Variants in CNTNAP5 observed in about 807,000 individuals in gnomAD.
The protein encoded by CNTNAP5 is contactin-associated protein-like 5.
In CNTNAP5, 72 loss-of-function variants were observed where a neutral mutation model predicts 150.2. The ratio of observed to expected loss-of-function variants is 0.48; its 90% CI spans 0.40 to 0.58. The LOEUF (loss-of-function observed/expected upper bound fraction) is 0.58, where lower values mean the gene tolerates loss of function less well. CNTNAP5 is among the 20% of genes least tolerant of loss of function. The pLI, the probability that CNTNAP5 is intolerant of heterozygous loss-of-function variation, is 0.00. For synonymous variants in CNTNAP5, 672 were observed against 619.8 expected (o/e 1.08, Z -1.25); for missense variants, 1,636 against 1,626.2 (o/e 1.01, Z -0.10).
intron 1 of CNTNAP5, among the ~76,000 whole-genome samples, chr2:124,043,333 G>C (rs1294325712): frequency 6.6e-6 from 1 of 152,152 alleles, no homozygotes; most frequent in Non-Finnish European, 1.5e-5. Flanking sequence ...AAAAATTATA[G>C]TTGGTAGGAC....
chr2:124,279,224 A>AGTGTGT (rs10564494), intron 3 of CNTNAP5, among the ~76,000 whole-genome samples: 1 of 150,056 alleles, frequency 6.7e-6, no homozygotes, highest in African/African-American at 2.4e-5. Context: ...AACTGTAGGA[A>AGTGTGT]GTGTGTGTGT....
intron 3 of CNTNAP5, among the ~76,000 whole-genome samples, chr2:124,380,996 G>T (rs775757917): frequency 6.6e-6 from 1 of 152,160 alleles, no homozygotes; most frequent in East Asian, 1.9e-4. Flanking sequence ...TGGAATCTCT[G>T]AGAAGGTGGC....
chr2:124,246,874 T>C lies in CNTNAP5; in HGVS notation c.381+4481T>C, dbSNP rs528352664. ...TATTAATATTAAACTTGCAGTTTTC[T>C]CTTATTAAAATTATGTTGCCTCTCC... On this transcript the variant is annotated intron_variant, in intron 3 of 23. Coordinates refer to ENST00000682447, the MANE Select transcript of CNTNAP5 (RefSeq NM_001367498.1). Among the ~76,000 whole-genome samples, 4 of 152,280 alleles carry C rather than the reference T, an allele frequency of 2.6e-5. No individual in the cohort carries two copies. The East Asian group carries it at 7.7e-4, about 29-fold the overall frequency.
intron 2 of CNTNAP5, 32 bp downstream of exon 2, chr2:124,221,841 G>A (rs1273719527): frequency 3.6e-6 from 5 of 1,406,054 alleles, no homozygotes; most frequent in Middle Eastern, 1.8e-4. Context: ...CTAATGCCAA[G>A]CACTAAATAA....
intron 21 of CNTNAP5, among the ~76,000 whole-genome samples, chr2:124,887,900 G>A (rs962938796): frequency 1.3e-5 from 2 of 152,160 alleles, no homozygotes; most frequent in Non-Finnish European, 2.9e-5. Flanking sequence ...TATCTAAAAT[G>A]CAATGAGAAG....
chr2:124,890,152 G>A (rs1360941248), intron 21 of CNTNAP5, among the ~76,000 whole-genome samples: 2 of 151,902 alleles, frequency 1.3e-5, no homozygotes, highest in African/African-American at 4.8e-5. Context: ...ACATGCTATT[G>A]GTGCTCTATC....
intron 6 of CNTNAP5, among the ~76,000 whole-genome samples, chr2:124,469,691 C>T (rs1364667741): frequency 2.6e-5 from 4 of 152,112 alleles, no homozygotes; most frequent in South Asian, 4.2e-4. Context: ...GTATTAAGCC[C>T]AGCATCCATT....
intron 3 of CNTNAP5, among the ~76,000 whole-genome samples, chr2:124,313,997 T>C (rs1366316160): frequency 6.6e-6 from 1 of 152,218 alleles, no homozygotes; most frequent in Admixed American, 6.5e-5. Flanking sequence ...TATACTGCAT[T>C]ATATTCCTTG....
chr2:124,782,933 G>T (rs1681484782), intron 17 of CNTNAP5, among the ~76,000 whole-genome samples: 1 of 152,172 alleles, frequency 6.6e-6, no homozygotes, highest in African/African-American at 2.4e-5. Context: ...GATGATTTAT[G>T]AAATGTTTCT....
At position 124,390,449 on chromosome 2, in the gene CNTNAP5, G is replaced by A. The variant is rs189034533; in HGVS notation, c.382-26994G>A. On this transcript the variant is annotated intron_variant, in intron 3 of 23. Coordinates refer to ENST00000682447, the MANE Select transcript of CNTNAP5 (RefSeq NM_001367498.1). ...CTGTCCCTGCTTCTTTCAGTGGGAC[G>A]TCACTGGCTAGCCCCAATCTGATAA... Among the ~76,000 whole-genome samples the A allele has an allele frequency of 2.6e-5, 4 of 152,232 alleles. No individual in the cohort carries two copies. In the East Asian group the frequency reaches 5.8e-4, roughly 22 times the overall value.
chr2:124,541,965 T>C (rs144732956), intron 10 of CNTNAP5, among the ~76,000 whole-genome samples: 39 of 152,264 alleles, frequency 2.6e-4, no homozygotes, highest in Non-Finnish European at 4.4e-4. Context: ...TTATCCTAAA[T>C]GTAGATATAC....
intron 3 of CNTNAP5, among the ~76,000 whole-genome samples, chr2:124,370,685 T>A (rs1164217515): frequency 6.6e-6 from 1 of 152,154 alleles, no homozygotes; most frequent in East Asian, 1.9e-4. Flanking sequence ...ATTTACCAGA[T>A]CCACTGTTTA....
intron 12 of CNTNAP5, 151 bp from the exon 13 acceptor site, chr2:124,647,607 A>C (rs953480659): frequency 6.3e-6 from 4 of 633,806 alleles, no homozygotes; most frequent in Non-Finnish European, 1.0e-5. Flanking sequence ...GTGGAGCTCC[A>C]TGGGGAAACA....
At chr2:124,164,644 A>C (rs1684767975) in intron 1 of CNTNAP5, among the ~76,000 whole-genome samples, 1 of 152,160 alleles carries the variant, frequency 6.6e-6, no homozygotes, top group African/African-American at 2.4e-5. Flanking sequence ...TAGAACACTA[A>C]AGTGATTGGA....
rs186819638 is a variant in CNTNAP5, at chr2:124,746,690, C to T, written c.2078-539C>T. 1.3e-3 allele frequency among the ~76,000 whole-genome samples: 202 copies of T among 152,310 alleles called. 1 individual carries two copies. The highest frequency in any genetic ancestry group is 4.6e-3 in the African/African-American group (191 of 41,572). On this transcript the variant is annotated intron_variant, in intron 13 of 23. Transcript: ENST00000682447. ...GTCTTTAACTTCCTCATTGTCTACC[C>T]AGAACTGAGGACAGAGGTCAGGCTA...
intron 2 of CNTNAP5, among the ~76,000 whole-genome samples, chr2:124,236,383 A>T (rs750746248): frequency 6.6e-6 from 1 of 152,152 alleles, no homozygotes; most frequent in African/African-American, 2.4e-5. Context: ...GAGCAGAAAG[A>T]TTACGCCCAG....
intron 11 of CNTNAP5, among the ~76,000 whole-genome samples, chr2:124,600,112 C>T (rs1405371388): frequency 1.3e-5 from 2 of 152,160 alleles, no homozygotes; most frequent in East Asian, 3.8e-4. Context: ...TATGCTTGTA[C>T]TTCCTGAAAC....
intron 1 of CNTNAP5, among the ~76,000 whole-genome samples, chr2:124,207,839 C>T (rs1413795276): frequency 1.3e-5 from 2 of 152,074 alleles, no homozygotes; most frequent in East Asian, 1.9e-4. Context: ...CTCATCTGAC[C>T]GTGACAGATT....
At chr2:124,317,907 G>C (rs1689007886) in intron 3 of CNTNAP5, among the ~76,000 whole-genome samples, 1 of 152,196 alleles carries the variant, frequency 6.6e-6, no homozygotes, top group Non-Finnish European at 1.5e-5. Context: ...CAGTATGCTA[G>C]ACACAGATAA....
Sources: gnomAD v4.1 joint callset for allele counts (sites outside exome capture counted in the v4.1 genomes callset) on GRCh38, gnomAD v4.1.1 for gene constraint, MANE v1.5 for transcripts, NCBI Gene and HGNC (gene_info 2026-07-23, HGNC 2026-07-21) for gene names.